CAMTA1: variants seen among roughly 807,000 people sequenced by gnomAD.
The protein encoded by CAMTA1 is calmodulin-binding transcription activator 1.
A neutral mutation model predicts 170.9 loss-of-function variants in CAMTA1; 27 were observed. The ratio of observed to expected loss-of-function variants is 0.16; its 90% CI spans 0.12 to 0.22. The LOEUF (loss-of-function observed/expected upper bound fraction) is 0.22, where lower values mean the gene tolerates loss of function less well. Ranked by LOEUF, CAMTA1 falls within the 10% of genes least tolerant of loss-of-function variation. The pLI, the probability that CAMTA1 is intolerant of heterozygous loss-of-function variation, is 1.00. For synonymous variants in CAMTA1, 833 were observed against 891.5 expected (o/e 0.93, Z 1.17); for missense variants, 1,619 against 2,217.2 (o/e 0.73, Z 5.42).
intron 1 of CAMTA1, among the ~76,000 whole-genome samples, chr1:6,793,565 C>G (rs1321532747): frequency 6.6e-6 from 1 of 152,180 alleles, no homozygotes; most frequent in East Asian, 1.9e-4. Flanking sequence ...ATGATTTATA[C>G]TTTCAGCTAA....
intron 6 of CAMTA1, among the ~76,000 whole-genome samples, chr1:7,510,836 A>G (rs2094192884): frequency 7.0e-6 from 1 of 143,872 alleles, no homozygotes; most frequent in Non-Finnish European, 1.6e-5. Context: ...ACACACTGTA[A>G]TTCCTACTTT....
At chr1:6,930,570 G>A (rs953432747) in intron 3 of CAMTA1, among the ~76,000 whole-genome samples, 1 of 152,128 alleles carries the variant, frequency 6.6e-6, no homozygotes, top group African/African-American at 2.4e-5. Context: ...TTAGGGGTTC[G>A]GCCCTCATCA....
rs1553180483 is a variant in CAMTA1 at position 6,902,078 on chromosome 1, A to AAC, written c.234+76869_234+76870insCA. 9.9e-4 allele frequency among the ~76,000 whole-genome samples: 86 copies of AAC among 86,560 alleles called. 1 individual carries two copies. The South Asian group carries it at 0.011, about 11-fold the overall frequency. The allele number at this position is 86,560 out of a possible 152,430, so 56.8% of individuals were successfully genotyped here. A position where few individuals can be genotyped will look rare whatever the true frequency, so the allele number is the denominator to read the frequency against. ...ACACACACACACACACACACAAAAA[A>AAC]AAAAATAAAAATAAAAACTCGTACT... On this transcript the variant is annotated intron_variant, in intron 3 of 22. Transcript: ENST00000303635.
At chr1:7,468,602 T>C (rs773809959) in intron 6 of CAMTA1, among the ~76,000 whole-genome samples, 1 of 152,236 alleles carries the variant, frequency 6.6e-6, no homozygotes, top group South Asian at 2.1e-4. Context: ...GAGGGATCCA[T>C]GCAGTCGGAC....
chr1:6,792,693 C>G (rs1364841157), intron 1 of CAMTA1, among the ~76,000 whole-genome samples: 3 of 151,970 alleles, frequency 2.0e-5, no homozygotes, highest in African/African-American at 7.3e-5. Context: ...TGGCTCTATC[C>G]TGACATGGTT....
intron 6 of CAMTA1, among the ~76,000 whole-genome samples, chr1:7,595,554 A>G (rs1010811881): frequency 2.4e-4 from 36 of 152,262 alleles, no homozygotes; most frequent in African/African-American, 8.7e-4. Flanking sequence ...GAGCCCGGAC[A>G]CCGCCGGGGA....
In CAMTA1 at chr1:7,745,950, C is replaced by G. The variant is rs148487496; in HGVS notation, c.4476C>G (p.Ala1492=). Residue 1492 remains alanine, a synonymous_variant, in exon 18 of 23, where the codon GCC becomes GCG. Transcript: ENST00000303635. ...IAFEKPNLPS[A]ADWSEFLSAS... ...TCGAGAAACCTAACCTTCCCTCCGC[C>G]GCGGATTGGTCAGAATTCCTGAGTG... The G allele has an allele frequency of 6.2e-7, 1 of 1,614,084 alleles. No homozygotes were observed. Among genetic ancestry groups the G allele is most frequent in the Non-Finnish European group, 8.5e-7 (1 of 1,180,046 alleles).
At chr1:6,819,112 C>T (rs1451026636) in intron 1 of CAMTA1, among the ~76,000 whole-genome samples, 1 of 152,048 alleles carries the variant, frequency 6.6e-6, no homozygotes, top group African/African-American at 2.4e-5. Flanking sequence ...AGCCACCATG[C>T]CTGGTAGCTT....
At chr1:6,986,487 A>G (rs1695384757) in intron 3 of CAMTA1, among the ~76,000 whole-genome samples, 1 of 152,102 alleles carries the variant, frequency 6.6e-6, no homozygotes. Flanking sequence ...GAGAGGATGA[A>G]CGATTTACAA....
intron 3 of CAMTA1, among the ~76,000 whole-genome samples, chr1:6,869,629 A>G (rs1361816128): frequency 6.6e-6 from 1 of 152,176 alleles, no homozygotes; most frequent in Non-Finnish European, 1.5e-5. Context: ...TCCCCTCCCT[A>G]AATAGCAAAC....
intron 3 of CAMTA1, among the ~76,000 whole-genome samples, chr1:6,913,625 A>C (rs1386685526): frequency 2.0e-5 from 3 of 152,006 alleles, no homozygotes; most frequent in Admixed American, 6.6e-5. Flanking sequence ...ATTTTCAAGT[A>C]GCTTTATGGA....
At chr1:7,613,341 C>A (rs1217503691) in intron 6 of CAMTA1, among the ~76,000 whole-genome samples, 1 of 152,126 alleles carries the variant, frequency 6.6e-6, no homozygotes, top group African/African-American at 2.4e-5. Context: ...GTGAGATGGA[C>A]AGACAAGTAG....
chr1:7,714,528 CTT>C (rs891814424), intron 11 of CAMTA1, among the ~76,000 whole-genome samples: 4 of 148,662 alleles, frequency 2.7e-5, no homozygotes, highest in African/African-American at 9.8e-5. Flanking sequence ...TCACAGCATC[CTT>C]TTTTTTTTGG....
At position 6,971,688 on chromosome 1, in the gene CAMTA1, C is replaced by A. The variant is rs1228298873; in HGVS notation, c.235-119616C>A. Among the ~76,000 whole-genome samples, 2 of 152,156 alleles carry A rather than the reference C, an allele frequency of 1.3e-5. No individual in the cohort carries two copies. The highest frequency in any genetic ancestry group is 4.8e-5 in the African/African-American group (2 of 41,428). ...ATGGTGTCTGTGGCTGGGATAAAAA[C>A]CCCCATGACCATCCTCCATGCTTAT... On this transcript the variant is annotated intron_variant, in intron 3 of 22. Coordinates refer to ENST00000303635, the MANE Select transcript of CAMTA1 (RefSeq NM_015215.4). The surrounding 1 kb of genome is among the most constrained non-coding windows in gnomAD (Gnocchi z 4.6).
intron 3 of CAMTA1, among the ~76,000 whole-genome samples, chr1:7,006,069 G>T (rs945012477): frequency 6.6e-6 from 1 of 152,186 alleles, no homozygotes; most frequent in Admixed American, 6.5e-5. Context: ...GCAGGGTGGG[G>T]TCTGTGCCAG....
chr1:7,528,742 A>AAT (rs1179432156), intron 6 of CAMTA1, among the ~76,000 whole-genome samples: 8 of 152,182 alleles, frequency 5.3e-5, no homozygotes, highest in Non-Finnish European at 1.0e-4. Flanking sequence ...ATAGCTATTG[A>AAT]ATGAATGAAC....
intron 5 of CAMTA1, among the ~76,000 whole-genome samples, chr1:7,377,777 G>A (rs368584423): frequency 2.0e-5 from 3 of 152,172 alleles, no homozygotes; most frequent in East Asian, 1.9e-4. Flanking sequence ...AAAATTAGCC[G>A]AGTGATAGTG....
intron 4 of CAMTA1, among the ~76,000 whole-genome samples, chr1:7,157,117 G>A (rs1021781217): frequency 1.3e-5 from 2 of 152,008 alleles, no homozygotes; most frequent in Non-Finnish European, 2.9e-5. Context: ...GCTGAGGTGG[G>A]CAGTTCACAA....
At position 7,510,333 on chromosome 1, in the gene CAMTA1, G is replaced by A. The variant is rs1464336154; in HGVS notation, c.510+42432G>A. 7.6e-5 allele frequency among the ~76,000 whole-genome samples: 11 copies of A among 145,104 alleles called. 2 individuals carry two copies. The highest frequency in any genetic ancestry group is 6.2e-4 in the Admixed American group (9 of 14,514). ...GGGTAGAGCCCAGAATGGCTGTTTT[G>A]TTCAGCGATTCCCAGGCTGGCATTG... On this transcript the variant is annotated intron_variant, in intron 6 of 22. Coordinates refer to ENST00000303635, the MANE Select transcript of CAMTA1 (RefSeq NM_015215.4).
Sources: allele counts gnomAD v4.1 joint callset (sites outside exome capture counted in the v4.1 genomes callset), GRCh38; gene constraint gnomAD v4.1.1; non-coding constraint Gnocchi (gnomAD v3.1); transcripts MANE v1.5; gene names NCBI Gene and HGNC (gene_info 2026-07-23, HGNC 2026-07-21).